The following ADAM23 variants were observed in gnomAD, a reference collection of about 807,000 sequenced individuals.
ADAM23 encodes disintegrin and metalloproteinase domain-containing protein 23.
A neutral mutation model predicts 120.1 loss-of-function variants in ADAM23; 33 were observed. That is an observed-to-expected ratio of 0.27 (90% CI 0.21 to 0.37). The LOEUF is 0.37. Among genes scored for constraint, ADAM23 ranks in the 10% least tolerant of loss-of-function variants. The probability of loss-of-function intolerance (pLI) is 1.00; values close to 1 mark genes in which losing one functional copy is unlikely to be tolerated. For missense variants in ADAM23, 862 were observed against 1,058.2 expected (o/e 0.81, Z 2.57); for synonymous variants, 367 against 375.2 (o/e 0.98, Z 0.25).
At chr2:206,587,668 G>A (rs916337844) in intron 19 of ADAM23, among the ~76,000 whole-genome samples, 1 of 151,934 alleles carries the variant, frequency 6.6e-6, no homozygotes, top group Non-Finnish European at 1.5e-5. Context: ...CCTGCCTGGT[G>A]TGTGAAAGAA....
At chr2:206,579,025 C>G (rs1698172963) in intron 18 of ADAM23, among the ~76,000 whole-genome samples, 1 of 151,946 alleles carries the variant, frequency 6.6e-6, no homozygotes, top group Admixed American at 6.6e-5. Context: ...GTTTGTTGGC[C>G]ATTTGTATAT....
At chr2:206,519,491 G>C (rs1300844067) in intron 3 of ADAM23, among the ~76,000 whole-genome samples, 1 of 152,084 alleles carries the variant, frequency 6.6e-6, no homozygotes, top group Non-Finnish European at 1.5e-5. Flanking sequence ...AATGTGCTCA[G>C]AAGGTGGGCT....
intron 3 of ADAM23, among the ~76,000 whole-genome samples, chr2:206,506,450 C>T (rs1696499103): frequency 6.6e-6 from 1 of 152,294 alleles, no homozygotes; most frequent in South Asian, 2.1e-4. Context: ...TCAAGGTTCA[C>T]CAAGTGGAGC....
In ADAM23 at chr2:206,617,808, C is replaced by A; in HGVS notation, c.*181C>A. ...AAACTGTCTCTTTTGGAAATAATGT[C>A]AAAGAACACCTTTCACCACCTGTCA... On this transcript the variant is annotated 3_prime_UTR_variant, in exon 26 of 26. Transcript: ENST00000264377. 7.7e-7 allele frequency: 1 copy of A among 1,304,950 alleles called. No homozygotes were observed. The highest frequency in any genetic ancestry group is 1.0e-6 in the Non-Finnish European group (1 of 994,278). 80.8% of individuals were successfully genotyped at this position (1,304,950 alleles called of 1,614,324 possible).
intron 20 of ADAM23, 63 bp downstream of exon 20, chr2:206,588,217 T>A: frequency 6.5e-7 from 1 of 1,538,234 alleles, no homozygotes; most frequent in Non-Finnish European, 9.0e-7. Flanking sequence ...TGTTCTTCTC[T>A]GCCAGTCTTG....
chr2:206,556,214 C>A (rs1461390073), intron 9 of ADAM23, among the ~76,000 whole-genome samples: 1 of 151,772 alleles, frequency 6.6e-6, no homozygotes, highest in Non-Finnish European at 1.5e-5. Context: ...ATTTATTTAG[C>A]ATTTATTATG....
intron 22 of ADAM23, among the ~76,000 whole-genome samples, chr2:206,594,290 C>A (rs1368613747): frequency 6.6e-6 from 1 of 152,088 alleles, no homozygotes; most frequent in Non-Finnish European, 1.5e-5. Context: ...TATGGATAAT[C>A]AGATCTTCTG....
rs1342728378 is a variant in ADAM23, at chr2:206,617,925, C to CA, written c.*303dup. ...AATGGACGAAGGAACAACACACACA[C>CA]AAAAATTAAATGCAATAAAGGAATC... is the stretch of plus-strand genomic sequence containing the variant. On this transcript the variant is annotated 3_prime_UTR_variant, in exon 26 of 26. Coordinates refer to ENST00000264377, the MANE Select transcript of ADAM23 (RefSeq NM_003812.4). The CA allele has an allele frequency of 9.6e-6, 3 of 313,476 alleles. No individual in the cohort carries two copies. Among genetic ancestry groups the CA allele is most frequent in the Non-Finnish European group, 1.7e-5 (3 of 177,324 alleles). The allele number at this position is 313,476 out of a possible 1,614,324, so 19.4% of individuals were successfully genotyped here.
chr2:206,617,487 T>A, intron 25 of ADAM23, 92 bp from the exon 26 acceptor site: 2 of 1,392,020 alleles, frequency 1.4e-6, no homozygotes, highest in Non-Finnish European at 1.9e-6. Context: ...CTAGCATTAT[T>A]GTCATTATCA....
intron 6 of ADAM23, among the ~76,000 whole-genome samples, chr2:206,545,321 A>G (rs1329782371): frequency 2.0e-5 from 3 of 152,004 alleles, no homozygotes; most frequent in Non-Finnish European, 2.9e-5. Flanking sequence ...CCCTGTCTCC[A>G]CTAAAAATAC....
chr2:206,565,128 TTAGAAACAAGGTCTCTCGGG>T, intron 14 of ADAM23, 60 bp downstream of exon 14: 2 of 1,535,498 alleles, frequency 1.3e-6, no homozygotes, highest in East Asian at 4.5e-5. Context: ...CTGTGTAGAG[TTAGAAACAAGGTCTCTCGGG>T]TATTGGTCTT....
At chr2:206,477,798 C>T (rs1695802626) in intron 2 of ADAM23, among the ~76,000 whole-genome samples, 1 of 148,922 alleles carries the variant, frequency 6.7e-6, no homozygotes, top group African/African-American at 2.5e-5. Flanking sequence ...AATGATATGG[C>T]TGTATATTGT....
In ADAM23 at chr2:206,543,310, T is replaced by C. The variant is rs1697331261; in HGVS notation, c.714T>C (p.His238=). 5 of 1,613,980 alleles carry C rather than the reference T, an allele frequency of 3.1e-6. No homozygotes were observed. The highest frequency in any genetic ancestry group is 4.2e-6 in the Non-Finnish European group (5 of 1,179,860). Residue 238 remains histidine (H), a synonymous_variant, in exon 6 of 26, where the codon CAT becomes CAC. Transcript: ENST00000264377. Reference sequence around the variant, plus strand: ...TGATAGAGCCACTAGAGCTGGTTCATGATGAGGTGAGTCTATGCCATCAGT... The same window carrying C: ...TGATAGAGCCACTAGAGCTGGTTCACGATGAGGTGAGTCTATGCCATCAGT... The part of the protein sequence containing the change: ...VYMIEPLELV[H]DEKSTGRPHI...
intron 11 of ADAM23, 26 bp downstream of exon 11, chr2:206,560,144 G>A (rs369689943): frequency 6.3e-7 from 1 of 1,597,238 alleles, no homozygotes; most frequent in Non-Finnish European, 8.5e-7. Context: ...AGCCTTTAGT[G>A]TAGTCTTTGG....
intron 3 of ADAM23, among the ~76,000 whole-genome samples, chr2:206,488,639 G>C (rs976120179): frequency 1.4e-4 from 21 of 152,176 alleles, no homozygotes; most frequent in Non-Finnish European, 2.2e-4. Context: ...GCTGAAGTCT[G>C]TTTCTTGGGG....
intron 3 of ADAM23, among the ~76,000 whole-genome samples, chr2:206,504,780 A>G (rs1696462152): frequency 6.6e-6 from 1 of 152,198 alleles, no homozygotes; most frequent in African/African-American, 2.4e-5. Context: ...CCTAGAACCC[A>G]GGACTCTGGA....
intron 15 of ADAM23, among the ~76,000 whole-genome samples, chr2:206,570,420 T>G (rs995695396): frequency 1.8e-4 from 27 of 152,182 alleles, no homozygotes; most frequent in African/African-American, 6.3e-4. Context: ...TTAGCTCCAT[T>G]AGCAAATATG....
At chr2:206,529,975 CTAA>C (rs1697018299) in intron 3 of ADAM23, among the ~76,000 whole-genome samples, 1 of 152,094 alleles carries the variant, frequency 6.6e-6, no homozygotes, top group Admixed American at 6.5e-5. Context: ...CCACGCGCGG[CTAA>C]TTTTTGTATT....
chr2:206,614,974 C>T (rs1346152490), intron 25 of ADAM23, among the ~76,000 whole-genome samples: 2 of 152,046 alleles, frequency 1.3e-5, no homozygotes, highest in Non-Finnish European at 2.9e-5. Flanking sequence ...CCTGCCCCAG[C>T]GCCCCAGGGA....
Sources: gnomAD v4.1 joint callset for allele counts (sites outside exome capture counted in the v4.1 genomes callset) on GRCh38, gnomAD v4.1.1 for gene constraint, MANE v1.5 for transcripts, NCBI Gene and HGNC (gene_info 2026-07-23, HGNC 2026-07-21) for gene names.